The following ERGIC1 variants were observed in gnomAD, a reference collection of about 807,000 sequenced individuals.
ERGIC1 encodes endoplasmic reticulum-Golgi intermediate compartment protein 1.
Under a neutral mutation model 38.3 loss-of-function variants are expected in ERGIC1, and 19 were observed. The ratio of observed to expected loss-of-function variants is 0.50; its 90% CI spans 0.35 to 0.73. The LOEUF (loss-of-function observed/expected upper bound fraction) is 0.73. ERGIC1 is among the 30% of genes least tolerant of loss of function. ERGIC1 has a pLI of 0.01. For missense variants in ERGIC1, 294 were observed against 389.2 expected, an observed-to-expected ratio of 0.76 and a Z score of 2.06; for synonymous variants, 124 against 157.6, an observed-to-expected ratio of 0.79 and a Z score of 1.60.
At chr5:172,941,706 T>A (rs2113483978) in intron 9 of ERGIC1, among the ~76,000 whole-genome samples, 1 of 152,326 alleles carries the variant, frequency 6.6e-6, no homozygotes, top group South Asian at 2.1e-4. Flanking sequence ...GGAAACAAAG[T>A]TTTATTGTGA....
chr5:172,896,861 G>A (rs1762735617), intron 2 of ERGIC1, 141 bp from the exon 3 acceptor site: 5 of 703,892 alleles, frequency 7.1e-6, no homozygotes, highest in South Asian at 3.7e-5. Context: ...ATTGAGGCTC[G>A]AGTCAGAAGG....
intron 1 of ERGIC1, among the ~76,000 whole-genome samples, chr5:172,882,878 A>G (rs1762318996): frequency 6.6e-6 from 1 of 152,056 alleles, no homozygotes; most frequent in Admixed American, 6.6e-5. Flanking sequence ...AGGTGCCTAC[A>G]AGGACCAGCC....
intron 1 of ERGIC1, among the ~76,000 whole-genome samples, chr5:172,842,061 T>C (rs1761175120): frequency 6.6e-6 from 1 of 152,184 alleles, no homozygotes; most frequent in African/African-American, 2.4e-5. Context: ...CACCCTCTTT[T>C]TTGAGACGGA....
Position 172,926,882 on chromosome 5 carries a change from T to TA in ERGIC1, c.541+315dup. On this transcript the variant is annotated intron_variant, in intron 7 of 9. Transcript: ENST00000393784. The surrounding 1 kb of genome is among the most constrained non-coding windows in gnomAD (Gnocchi z 5.2). ...ATCATCCTTAGTTGAACTAATTACC[T>TA]AAGATCCCACAGGGAGCTATGGCAG... 1 of 346,700 alleles carries TA rather than the reference T, an allele frequency of 2.9e-6. No homozygotes were observed. The highest frequency in any genetic ancestry group is 6.1e-5 in the East Asian group (1 of 16,442). The allele number at this position is 346,700 out of a possible 1,614,324, so 21.5% of individuals were successfully genotyped here.
intron 9 of ERGIC1, chr5:172,935,676 A>G (rs1763874473): frequency 5.4e-6 from 1 of 185,208 alleles, no homozygotes; most frequent in South Asian, 1.3e-4. Context: ...ATTTTGCACC[A>G]AAGATTGAAC....
At chr5:172,919,566 G>C (rs1343167152) in intron 5 of ERGIC1, among the ~76,000 whole-genome samples, 1 of 152,246 alleles carries the variant, frequency 6.6e-6, no homozygotes, top group Non-Finnish European at 1.5e-5. Context: ...CAGACCTGTG[G>C]TCAAGGATCC....
At chr5:172,861,445 A>G (rs1187493249) in intron 1 of ERGIC1, among the ~76,000 whole-genome samples, 1 of 152,216 alleles carries the variant, frequency 6.6e-6, no homozygotes, top group African/African-American at 2.4e-5. Flanking sequence ...TCAGAGGCGC[A>G]GGCTTTGCCT....
intron 7 of ERGIC1, among the ~76,000 whole-genome samples, chr5:172,929,905 T>C (rs1029354574): frequency 8.5e-5 from 13 of 152,128 alleles, no homozygotes; most frequent in Admixed American, 6.6e-4. Flanking sequence ...TAGAAAAAGA[T>C]GGCTGGGCGC....
At chr5:172,939,153 T>G (rs1429235625) in intron 9 of ERGIC1, among the ~76,000 whole-genome samples, 1 of 152,204 alleles carries the variant, frequency 6.6e-6, no homozygotes, top group Non-Finnish European at 1.5e-5. Context: ...GAATTCACTA[T>G]GTTCCGGCCC....
rs575219833 is a variant in ERGIC1 at position 172,837,032 on chromosome 5, T to A, written c.20+2599T>A. On this transcript the variant is annotated intron_variant, in intron 1 of 9. Coordinates refer to ENST00000393784, the MANE Select transcript of ERGIC1 (RefSeq NM_001031711.3). The surrounding 1 kb of genome is among the most constrained non-coding windows in gnomAD (Gnocchi z 4.3). ...AGGGAGAGATTGGAGGGGCCCACCA[T>A]CCTGTCAGCTCTTTTAAGAATTGTG... 3.3e-5 allele frequency among the ~76,000 whole-genome samples: 5 copies of A among 152,230 alleles called. No individual in the cohort carries two copies. In the East Asian group the frequency reaches 7.7e-4, roughly 24 times the overall value.
At position 172,939,745 on chromosome 5, in the gene ERGIC1, G is replaced by A. The variant is rs183298544; in HGVS notation, c.765+4435G>A. ...CACCACCTTGGTTGCCATGGTAACC[G>A]TGGGGTCAGCTCTGAAGGAGCCAGC... is the stretch of plus-strand genomic sequence containing the variant. On this transcript the variant is annotated intron_variant, in intron 9 of 9. Transcript: ENST00000393784. 2.4e-3 allele frequency among the ~76,000 whole-genome samples: 361 copies of A among 152,344 alleles called. 1 individual carries two copies. The highest frequency in any genetic ancestry group is 7.9e-3 in the African/African-American group (330 of 41,590).
At chr5:172,915,152 T>G in intron 5 of ERGIC1, 2 of 658,414 alleles carry the variant, frequency 3.0e-6, no homozygotes, top group Non-Finnish European at 2.8e-6. Context: ...CTACCCCTTC[T>G]TGGCCCCTAC....
intron 5 of ERGIC1, chr5:172,916,973 A>C (rs1763381087): frequency 6.6e-6 from 1 of 152,410 alleles, no homozygotes; most frequent in Non-Finnish European, 1.5e-5. Context: ...CGACAGAGTG[A>C]GACTCCATCT....
rs543208419 is a variant in ERGIC1, at chr5:172,852,039, G to T, written c.20+17606G>T. ...GAAATCCCAGGCAGGGACTCTGACG[G>T]TGATCAGGCCTCTACCTGTCAATGG... On this transcript the variant is annotated intron_variant, in intron 1 of 9. Transcript: ENST00000393784. 2.0e-5 allele frequency among the ~76,000 whole-genome samples: 3 copies of T among 151,570 alleles called. No individual in the cohort carries two copies. In the South Asian group the frequency reaches 6.3e-4, roughly 32 times the overall value.
chr5:172,934,732 G>A (rs1387821695), intron 8 of ERGIC1: 1 of 212,944 alleles, frequency 4.7e-6, no homozygotes, highest in Non-Finnish European at 9.8e-6. Flanking sequence ...TCCTTCTGCA[G>A]ACTGCGACTC....
At chr5:172,889,083 G>A (rs571970274) in intron 2 of ERGIC1, among the ~76,000 whole-genome samples, 21 of 152,264 alleles carry the variant, frequency 1.4e-4, no homozygotes, top group African/African-American at 4.3e-4. Context: ...TCAGGAGTTC[G>A]AGACCAGGCT....
At chr5:172,905,373 G>A (rs879335303) in intron 3 of ERGIC1, 1 of 453,680 alleles carries the variant, frequency 2.2e-6, no homozygotes, top group African/African-American at 2.0e-5. Context: ...TTTGGCTGTA[G>A]GGAGGCCGAT....
intron 1 of ERGIC1, among the ~76,000 whole-genome samples, chr5:172,847,730 G>A (rs890252692): frequency 6.6e-6 from 1 of 152,166 alleles, no homozygotes; most frequent in African/African-American, 2.4e-5. Flanking sequence ...GACCAGGATG[G>A]TCTCGATCCG....
In ERGIC1 at chr5:172,837,746, G is replaced by T. The variant is rs1761070822; in HGVS notation, c.20+3313G>T. Among the ~76,000 whole-genome samples, 1 of 152,230 alleles carries T rather than the reference G, an allele frequency of 6.6e-6. No homozygotes were observed. The highest frequency in any genetic ancestry group is 2.4e-5 in the African/African-American group (1 of 41,444). ...AGGGGAGGGAGGCTGAGCTTTCAAT[G>T]ATTTATTGTGTTTGCTTTGCTCTTG... On this transcript the variant is annotated intron_variant, in intron 1 of 9. Coordinates refer to ENST00000393784, the MANE Select transcript of ERGIC1 (RefSeq NM_001031711.3). The surrounding 1 kb of genome is among the most constrained non-coding windows in gnomAD (Gnocchi z 4.3).
Sources: gnomAD v4.1 joint callset for allele counts (sites outside exome capture counted in the v4.1 genomes callset) on GRCh38, gnomAD v4.1.1 for gene constraint, Gnocchi (gnomAD v3.1) non-coding constraint, MANE v1.5 for transcripts, NCBI Gene and HGNC (gene_info 2026-07-23, HGNC 2026-07-21) for gene names.